CBX5: variants seen among roughly 807,000 people sequenced by gnomAD.
The protein encoded by CBX5 is chromobox protein homolog 5.
CBX5 carries 7 observed loss-of-function variants against 20.7 expected under a neutral mutation model. The ratio of observed to expected loss-of-function variants is 0.34; its 90% CI spans 0.19 to 0.63. The LOEUF is 0.63. CBX5 is among the 30% of genes least tolerant of loss of function. The pLI, the probability that CBX5 is intolerant of heterozygous loss-of-function variation, is 0.75. For missense variants in CBX5, 110 were observed against 224.1 expected (o/e 0.49, Z 3.25); for synonymous variants, 78 against 77.0 (o/e 1.01, Z -0.07).
Position 54,237,865 on chromosome 12 carries a change from AAAT to A in CBX5, c.*3887_*3889del, listed in dbSNP as rs1266161421. 1 of 152,280 alleles carries A rather than the reference AAAT, an allele frequency of 6.6e-6. No homozygotes were observed. Among genetic ancestry groups the A allele is most frequent in the Non-Finnish European group, 1.5e-5 (1 of 68,046 alleles). The allele number at this position is 152,280 out of a possible 1,614,324, so 9.4% of individuals were successfully genotyped here. On this transcript the variant is annotated 3_prime_UTR_variant, in exon 5 of 5. Transcript: ENST00000209875. ...CTGAAAGTGCTCCATGAGAGCAAAC[AAAT>A]AATGACAATTTTATTTTTGTCCACA...
intron 1 of CBX5, among the ~76,000 whole-genome samples, 162 bp from the exon 2 acceptor site, chr12:54,257,854 G>C (rs1344790843): frequency 6.6e-6 from 1 of 152,178 alleles, no homozygotes. Context: ...ATTTAAAAAT[G>C]AATCAGTCTT....
intron 2 of CBX5, among the ~76,000 whole-genome samples, 185 bp downstream of exon 2, chr12:54,257,329 T>C (rs1480717131): frequency 1.3e-5 from 2 of 152,210 alleles, no homozygotes; most frequent in African/African-American, 4.8e-5. Context: ...TCAAAAGCAG[T>C]ATCATTAGAA....
chr12:54,240,157 T>C lies in CBX5; in HGVS notation c.*1598A>G, dbSNP rs1049516101. Reference sequence around the variant, plus strand: ...GATCCTCAAAACCCTGCTATTTCCTTACTTTTAATTGTGATTCTCTAGCCC... The same window carrying C: ...GATCCTCAAAACCCTGCTATTTCCTCACTTTTAATTGTGATTCTCTAGCCC... On this transcript the variant is annotated 3_prime_UTR_variant, in exon 5 of 5. Transcript: ENST00000209875. 2.0e-5 allele frequency: 3 copies of C among 152,210 alleles called. No homozygotes were observed. The highest frequency in any genetic ancestry group is 7.2e-5 in the African/African-American group (3 of 41,448). 9.4% of individuals were successfully genotyped at this position (152,210 alleles called of 1,614,324 possible).
At chr12:54,252,920 G>T (rs1276035294) in intron 2 of CBX5, among the ~76,000 whole-genome samples, 3 of 151,046 alleles carry the variant, frequency 2.0e-5, no homozygotes, top group Non-Finnish European at 4.4e-5. Context: ...GGGAAGGGGA[G>T]GTTGCAGTGA....
chr12:54,269,555 A>G (rs1943989880), intron 1 of CBX5, among the ~76,000 whole-genome samples: 1 of 151,800 alleles, frequency 6.6e-6, no homozygotes. Context: ...TGCCTGGCTC[A>G]TTTTTGTATT....
At chr12:54,271,058 T>C (rs1035063070) in intron 1 of CBX5, among the ~76,000 whole-genome samples, 1 of 151,484 alleles carries the variant, frequency 6.6e-6, no homozygotes, top group South Asian at 2.1e-4. Context: ...CCCGTTTAAA[T>C]TTTTTTAAAA....
intron 1 of CBX5, chr12:54,276,806 T>C (rs1445668842): frequency 6.6e-6 from 1 of 152,200 alleles, no homozygotes; most frequent in Non-Finnish European, 1.5e-5. Flanking sequence ...TTTCAATGTG[T>C]GTACAGGATT....
intron 1 of CBX5, among the ~76,000 whole-genome samples, chr12:54,270,150 CTT>C (rs1376755429): frequency 6.6e-6 from 1 of 151,804 alleles, no homozygotes; most frequent in Non-Finnish European, 1.5e-5. Context: ...TTACTATTTT[CTT>C]GTTTATTTTG....
At chr12:54,255,237 G>A (rs1943851008) in intron 2 of CBX5, among the ~76,000 whole-genome samples, 1 of 152,078 alleles carries the variant, frequency 6.6e-6, no homozygotes, top group East Asian at 1.9e-4. Flanking sequence ...GACCAGCCTG[G>A]GTAACACAGT....
intron 3 of CBX5, 23 bp from the exon 4 acceptor site, chr12:54,246,238 G>C (rs1310668113): frequency 6.4e-7 from 1 of 1,555,724 alleles, no homozygotes; most frequent in Admixed American, 1.7e-5. Context: ...GATAAAGAAA[G>C]GTTACAGCTT....
At chr12:54,245,910 G>A (rs993973739) in intron 4 of CBX5, among the ~76,000 whole-genome samples, 5 of 152,148 alleles carry the variant, frequency 3.3e-5, no homozygotes, top group African/African-American at 9.7e-5. Context: ...CCCAGGAGGC[G>A]GAGGCTGCAG....
rs374284953 is a variant in CBX5 at position 54,257,501 on chromosome 12, A to T, written c.137+13T>A. 2 of 1,614,118 alleles carry T rather than the reference A, an allele frequency of 1.2e-6. No individual in the cohort carries two copies. Among genetic ancestry groups the T allele is most frequent in the Non-Finnish European group, 8.5e-7 (1 of 1,180,004 alleles). ...TACAGAGTCCCAACGCCTGGGGGAA[A>T]AAAGGAACTTACTCAGAAAAGCCTT... On this transcript the variant is annotated intron_variant, in intron 2 of 4. Transcript: ENST00000209875.
At chr12:54,246,808 G>T (rs1053175629) in intron 3 of CBX5, among the ~76,000 whole-genome samples, 1 of 151,258 alleles carries the variant, frequency 6.6e-6, no homozygotes, top group Non-Finnish European at 1.5e-5. Flanking sequence ...AAAGAAAAGG[G>T]GCGAAAAGAA....
chr12:54,248,461 T>C lies in CBX5; in HGVS notation c.325-2246A>G, dbSNP rs534775040. On this transcript the variant is annotated intron_variant, in intron 3 of 4. Coordinates refer to ENST00000209875, the MANE Select transcript of CBX5 (RefSeq NM_012117.3). Reference sequence around the variant, plus strand: ...TGTTCACCTGCTTTCCTCTGAGACATACAAAGCATTTGGGGTCCGGGTGGT... The same window carrying C: ...TGTTCACCTGCTTTCCTCTGAGACACACAAAGCATTTGGGGTCCGGGTGGT... 9.8e-4 allele frequency among the ~76,000 whole-genome samples: 150 copies of C among 152,318 alleles called. 1 individual carries two copies. The highest frequency in any genetic ancestry group is 3.4e-3 in the African/African-American group (141 of 41,566).
chr12:54,257,730 G>A, intron 1 of CBX5, 38 bp from the exon 2 acceptor site: 1 of 1,533,622 alleles, frequency 6.5e-7, no homozygotes, highest in Non-Finnish European at 8.9e-7. Context: ...GAATCCATGT[G>A]AGGAGTTAAA....
At chr12:54,271,385 G>A (rs1439938239) in intron 1 of CBX5, among the ~76,000 whole-genome samples, 1 of 152,176 alleles carries the variant, frequency 6.6e-6, no homozygotes, top group Non-Finnish European at 1.5e-5. Context: ...GAGTGCAGTG[G>A]CGCGATCTCC....
rs1943601758 is a variant in CBX5, at chr12:54,234,648, CTTAA to C, written c.*7103_*7106del. 1.3e-5 allele frequency: 2 copies of C among 152,216 alleles called. No individual in the cohort carries two copies. The highest frequency in any genetic ancestry group is 2.4e-5 in the African/African-American group (1 of 41,450). The allele number at this position is 152,216 out of a possible 1,614,324, so 9.4% of individuals were successfully genotyped here. ...CACAATCAGTTGACTTTGAAATTGT[CTTAA>C]TTAATGGCTCTTTCCTTGTCAGCTT... On this transcript the variant is annotated 3_prime_UTR_variant, in exon 5 of 5. Coordinates refer to ENST00000209875, the MANE Select transcript of CBX5 (RefSeq NM_012117.3).
chr12:54,247,286 A>G (rs1943746960), intron 3 of CBX5, among the ~76,000 whole-genome samples: 1 of 152,114 alleles, frequency 6.6e-6, no homozygotes, highest in African/African-American at 2.4e-5. Flanking sequence ...GCAGTGACTC[A>G]TGCCTGTAAT....
chr12:54,257,622 T>C lies in CBX5; in HGVS notation c.29A>G (p.Asp10Gly). Residue 10 changes from aspartate (D) to glycine (G), a missense_variant, in exon 2 of 5, where the codon GAC (aspartate) becomes GGC (glycine). Physicochemically the swap from Asp to Gly is moderately conservative, Grantham distance 94. Coordinates refer to ENST00000209875, the MANE Select transcript of CBX5 (RefSeq NM_012117.3). MGKKTKRTA[D>G]SSSSEDEEEY... is the part of the protein sequence containing the mutation. ...CTCCTCATCCTCTGAAGAAGAACTG[T>C]CAGCTGTCCGCTTGGTTTTCTTTCC... The C allele has an allele frequency of 6.2e-7, 1 of 1,614,250 alleles. No individual in the cohort carries two copies. Among genetic ancestry groups the C allele is most frequent in the Non-Finnish European group, 8.5e-7 (1 of 1,180,046 alleles).
Sources: allele counts gnomAD v4.1 joint callset (sites outside exome capture counted in the v4.1 genomes callset), GRCh38; gene constraint gnomAD v4.1.1; transcripts MANE v1.5; gene names NCBI Gene and HGNC (gene_info 2026-07-23, HGNC 2026-07-21).